Variants in OCLN observed in about 807,000 individuals in gnomAD.
OCLN encodes the protein occludin.
Under a neutral mutation model 47.9 loss-of-function variants are expected in OCLN, and 21 were observed. The observed-to-expected ratio is 0.44, with a 90% confidence interval of 0.31 to 0.63. The LOEUF (loss-of-function observed/expected upper bound fraction) is 0.63, where lower values mean the gene tolerates loss of function less well. Among genes scored for constraint, OCLN ranks in the 30% least tolerant of loss-of-function variants. OCLN has a pLI of 0.08. For missense variants in OCLN, 360 were observed against 571.0 expected (o/e 0.63, Z 3.77); for synonymous variants, 117 against 198.4 (o/e 0.59, Z 3.45).
At chr5:69,513,529 A>C (rs180798313) in intron 3 of OCLN, among the ~76,000 whole-genome samples, 7 of 152,354 alleles carry the variant, frequency 4.6e-5, no homozygotes, top group Non-Finnish European at 5.9e-5. Context: ...CAAAGCTGTG[A>C]ATACTTTTGA....
intron 4 of OCLN, among the ~76,000 whole-genome samples, chr5:69,517,668 A>T (rs1380027829): frequency 6.6e-6 from 1 of 152,156 alleles, no homozygotes; most frequent in African/African-American, 2.4e-5. Context: ...GATAGATGAA[A>T]TTTTTTTCTG....
At chr5:69,505,020 C>T (rs987406310) in intron 2 of OCLN, among the ~76,000 whole-genome samples, 82 of 152,088 alleles carry the variant, frequency 5.4e-4, no homozygotes, top group Non-Finnish European at 2.4e-4. Context: ...GAGGCCGAGG[C>T]GGGTGGATCA....
Position 69,493,711 on chromosome 5 carries a change from A to C in OCLN, c.-69+811A>C, listed in dbSNP as rs1358378128. 2.0e-5 allele frequency among the ~76,000 whole-genome samples: 3 copies of C among 152,142 alleles called. No homozygotes were observed. ...CTGGGAGCGCCTCGGTGCGCACGGA[A>C]GCCGGGACCCGCGCCCAGCCGGGCC... On this transcript the variant is annotated intron_variant, in intron 1 of 8. Transcript: ENST00000396442. The surrounding 1 kb of genome is among the most constrained non-coding windows in gnomAD (Gnocchi z 5.3).
chr5:69,530,111 G>A (rs566008536), intron 4 of OCLN, among the ~76,000 whole-genome samples: 1 of 152,256 alleles, frequency 6.6e-6, no homozygotes, highest in African/African-American at 2.4e-5. Flanking sequence ...GGCTAGGGTA[G>A]GAGGATTGCA....
chr5:69,496,279 T>C (rs1185416587), intron 1 of OCLN, among the ~76,000 whole-genome samples: 4 of 152,036 alleles, frequency 2.6e-5, no homozygotes, highest in Non-Finnish European at 4.4e-5. Context: ...TTTGTATTTT[T>C]AATAGAGGCG....
At chr5:69,500,576 A>AT (rs1476841358) in intron 1 of OCLN, among the ~76,000 whole-genome samples, 1 of 151,734 alleles carries the variant, frequency 6.6e-6, no homozygotes, top group Non-Finnish European at 1.5e-5. Flanking sequence ...AATTTTTTGT[A>AT]TTTTTAGTAG....
At chr5:69,511,296 G>T (rs1222783302) in intron 3 of OCLN, among the ~76,000 whole-genome samples, 2 of 150,286 alleles carry the variant, frequency 1.3e-5, no homozygotes, top group Non-Finnish European at 3.0e-5. Flanking sequence ...TGTTAGCCAC[G>T]ATGGTCTCTA....
At chr5:69,531,249 C>G (rs1769424483) in intron 4 of OCLN, among the ~76,000 whole-genome samples, 1 of 152,134 alleles carries the variant, frequency 6.6e-6, no homozygotes, top group Middle Eastern at 3.2e-3. Context: ...TTTGTATGCA[C>G]AGGTGTAGGG....
intron 4 of OCLN, among the ~76,000 whole-genome samples, chr5:69,522,822 G>A (rs1000175050): frequency 6.7e-6 from 1 of 150,356 alleles, no homozygotes; most frequent in Non-Finnish European, 1.5e-5. Context: ...TGACTGCTGG[G>A]CTCAAGCAGT....
chr5:69,514,971 G>A (rs1364061732), intron 4 of OCLN, among the ~76,000 whole-genome samples: 5 of 151,258 alleles, frequency 3.3e-5, no homozygotes, highest in African/African-American at 4.9e-5. Flanking sequence ...TCCTTTCCCC[G>A]CCTTTCCCCC....
intron 4 of OCLN, among the ~76,000 whole-genome samples, chr5:69,528,266 T>A (rs1017484711): frequency 2.0e-5 from 3 of 152,108 alleles, no homozygotes; most frequent in African/African-American, 7.2e-5. Flanking sequence ...AATGGGCAGG[T>A]TGTAAACCTG....
At chr5:69,502,942 A>T (rs1051127657) in intron 1 of OCLN, among the ~76,000 whole-genome samples, 2 of 152,180 alleles carry the variant, frequency 1.3e-5, no homozygotes, top group Non-Finnish European at 2.9e-5. Flanking sequence ...GCATAGTGAA[A>T]AGCACATGAA....
At chr5:69,518,145 GTGA>G (rs1769029116) in intron 4 of OCLN, among the ~76,000 whole-genome samples, 2 of 152,172 alleles carry the variant, frequency 1.3e-5, no homozygotes, top group African/African-American at 4.8e-5. Context: ...ACTTATGGAG[GTGA>G]TGATGATTAA....
intron 4 of OCLN, among the ~76,000 whole-genome samples, chr5:69,525,925 C>T (rs1027532166): frequency 1.1e-4 from 17 of 152,054 alleles, no homozygotes; most frequent in South Asian, 8.3e-4. Context: ...GTTCTCATGC[C>T]GAGTGAACCT....
intron 5 of OCLN, among the ~76,000 whole-genome samples, chr5:69,536,732 G>C (rs1307573481): frequency 2.0e-5 from 3 of 151,536 alleles, no homozygotes; most frequent in African/African-American, 7.3e-5. Flanking sequence ...ACTTTGGGAG[G>C]CTGAGGCAGG....
intron 4 of OCLN, among the ~76,000 whole-genome samples, chr5:69,515,135 C>T (rs1334614207): frequency 6.7e-6 from 1 of 149,736 alleles, no homozygotes; most frequent in Non-Finnish European, 1.5e-5. Context: ...CTGGACCGGG[C>T]GGCTGGCCGG....
chr5:69,509,129 T>A lies in OCLN; in HGVS notation c.51-12T>A. The A allele has an allele frequency of 6.2e-7, 1 of 1,609,408 alleles. No homozygotes were observed. Among genetic ancestry groups the A allele is most frequent in the East Asian group, 2.2e-5 (1 of 44,866 alleles). On this transcript the variant is annotated splice_polypyrimidine_tract_variant and intron_variant, in intron 2 of 8. Coordinates refer to ENST00000396442, the MANE Select transcript of OCLN (RefSeq NM_001205254.2). ...AAATGCTAACTTGAAATTATTTTCA[T>A]GTTCATTTCAGCAAACCGAATCATT...
chr5:69,525,653 T>A (rs777298560), intron 4 of OCLN, among the ~76,000 whole-genome samples: 4 of 152,162 alleles, frequency 2.6e-5, no homozygotes, highest in Non-Finnish European at 5.9e-5. Context: ...ATACTCTTGA[T>A]TTTTATAAGA....
chr5:69,505,780 A>G (rs1258012338), intron 2 of OCLN, among the ~76,000 whole-genome samples: 1 of 152,232 alleles, frequency 6.6e-6, no homozygotes, highest in African/African-American at 2.4e-5. Context: ...TGATATAGGC[A>G]AAAACAAACA....
Sources: gnomAD v4.1 joint callset for allele counts (sites outside exome capture counted in the v4.1 genomes callset) on GRCh38, gnomAD v4.1.1 for gene constraint, Gnocchi (gnomAD v3.1) non-coding constraint, MANE v1.5 for transcripts, NCBI Gene and HGNC (gene_info 2026-07-23, HGNC 2026-07-21) for gene names.